TMCC1: variants seen among roughly 807,000 people sequenced by gnomAD.
The protein encoded by TMCC1 is transmembrane and coiled-coil domains protein 1.
In TMCC1, 15 loss-of-function variants were observed where a neutral mutation model predicts 52.4. That is an observed-to-expected ratio of 0.29 (90% CI 0.19 to 0.44). TMCC1 has a LOEUF of 0.44. Ranked by LOEUF, TMCC1 falls within the 20% of genes least tolerant of loss-of-function variation. The probability of loss-of-function intolerance (pLI) is 1.00; values close to 1 mark genes in which losing one functional copy is unlikely to be tolerated. For missense variants in TMCC1, 503 were observed against 806.0 expected (o/e 0.62, Z 4.55); for synonymous variants, 279 against 301.9 (o/e 0.92, Z 0.79).
chr3:129,792,183 T>C (rs2056515659), intron 4 of TMCC1, among the ~76,000 whole-genome samples: 1 of 149,498 alleles, frequency 6.7e-6, no homozygotes, highest in Non-Finnish European at 1.5e-5. Context: ...TGTATATATA[T>C]ATATACATAT....
chr3:129,850,618 TG>T (rs1195669250), intron 2 of TMCC1, among the ~76,000 whole-genome samples: 8 of 152,054 alleles, frequency 5.3e-5, no homozygotes, highest in South Asian at 2.1e-4. Flanking sequence ...ACCAGCTCGG[TG>T]GGGGAGACCC....
intron 4 of TMCC1, among the ~76,000 whole-genome samples, chr3:129,822,070 AATAC>A (rs2058449621): frequency 6.6e-6 from 1 of 151,998 alleles, no homozygotes; most frequent in African/African-American, 2.4e-5. Context: ...CTCAAATATA[AATAC>A]ATATATTTAT....
intron 1 of TMCC1, among the ~76,000 whole-genome samples, chr3:129,887,044 G>C (rs2108011073): frequency 6.6e-6 from 1 of 152,274 alleles, no homozygotes; most frequent in Admixed American, 6.5e-5. Context: ...TCAGACTGTG[G>C]TTGCCAGGGA....
chr3:129,842,498 A>G (rs1484671213), intron 2 of TMCC1, among the ~76,000 whole-genome samples: 1 of 151,946 alleles, frequency 6.6e-6, no homozygotes, highest in African/African-American at 2.4e-5. Flanking sequence ...ACACACACAC[A>G]CACACACGTA....
At chr3:129,702,086 T>C (rs1177271814) in intron 4 of TMCC1, among the ~76,000 whole-genome samples, 1 of 152,188 alleles carries the variant, frequency 6.6e-6, no homozygotes, top group African/African-American at 2.4e-5. Flanking sequence ...TCAATTGTTT[T>C]CAGGATTTGC....
At chr3:129,785,107 G>A (rs1316757118) in intron 4 of TMCC1, among the ~76,000 whole-genome samples, 2 of 152,200 alleles carry the variant, frequency 1.3e-5, no homozygotes, top group Non-Finnish European at 2.9e-5. Flanking sequence ...GTAGAGGAGA[G>A]AACAAGTTGA....
chr3:129,676,572 G>A (rs567497437), intron 4 of TMCC1, among the ~76,000 whole-genome samples: 8 of 152,248 alleles, frequency 5.3e-5, no homozygotes, highest in South Asian at 2.1e-4. Flanking sequence ...CATTTAGAGC[G>A]CAGCATTTAA....
intron 2 of TMCC1, among the ~76,000 whole-genome samples, chr3:129,836,936 C>T (rs1223844198): frequency 6.6e-6 from 1 of 152,182 alleles, no homozygotes. Flanking sequence ...AGCAACAATA[C>T]CAAACCAGCC....
intron 4 of TMCC1, among the ~76,000 whole-genome samples, chr3:129,808,374 C>T (rs1362809106): frequency 9.2e-5 from 14 of 151,666 alleles, no homozygotes; most frequent in African/African-American, 3.4e-4. Context: ...CCTAGCTACT[C>T]GGGAGGCTGA....
chr3:129,853,326 T>C (rs1227010135), intron 2 of TMCC1, among the ~76,000 whole-genome samples: 1 of 152,192 alleles, frequency 6.6e-6, no homozygotes, highest in African/African-American at 2.4e-5. Context: ...TATTTACTTG[T>C]ATCTTAAGAA....
At chr3:129,849,752 C>T (rs142883908) in intron 2 of TMCC1, among the ~76,000 whole-genome samples, 183 of 151,226 alleles carry the variant, frequency 1.2e-3, no homozygotes, top group African/African-American at 3.7e-3. Flanking sequence ...GGCAACAGAG[C>T]GAGACTCCAT....
intron 4 of TMCC1, among the ~76,000 whole-genome samples, chr3:129,778,590 A>G (rs532000405): frequency 2.0e-5 from 3 of 149,422 alleles, no homozygotes; most frequent in South Asian, 2.2e-4. Context: ...TGTGTCCCCA[A>G]TCCAATCTCA....
intron 4 of TMCC1, among the ~76,000 whole-genome samples, chr3:129,713,951 G>C (rs903868698): frequency 6.6e-6 from 1 of 151,762 alleles, no homozygotes; most frequent in Admixed American, 6.6e-5. Context: ...CAGAATACTC[G>C]ATCTTTCATT....
In TMCC1 at chr3:129,655,006, T is replaced by C. The variant is rs1254608447; in HGVS notation, c.1609A>G (p.Ile537Val). 6.2e-7 allele frequency: 1 copy of C among 1,614,164 alleles called. No individual in the cohort carries two copies. Among genetic ancestry groups the C allele is most frequent in the South Asian group, 1.1e-5 (1 of 91,086 alleles). ...GCCCGTTCATAGGACTGATACGCGA[T>C]TTTTTCTTCCATGCTTGCCAGTTCC... ...KQELASMEEK[I>V]AYQSYERARD... Residue 537 changes from isoleucine to valine, a missense_variant, in exon 6 of 7, where the codon ATC becomes GTC. Physicochemically the swap from Ile to Val is conservative, Grantham distance 29 (BLOSUM62 3). Transcript: ENST00000393238.
At chr3:129,845,059 T>C (rs996874410) in intron 2 of TMCC1, among the ~76,000 whole-genome samples, 1 of 151,962 alleles carries the variant, frequency 6.6e-6, no homozygotes, top group Admixed American at 6.6e-5. Flanking sequence ...TGTGGTGGTG[T>C]ATCCCTGTAG....
intron 4 of TMCC1, among the ~76,000 whole-genome samples, chr3:129,719,849 C>A (rs1221260619): frequency 6.6e-6 from 1 of 152,036 alleles, no homozygotes; most frequent in African/African-American, 2.4e-5. Context: ...CTCGTATACC[C>A]TTCCCTTTAT....
At position 129,833,677 on chromosome 3, in the gene TMCC1, T is replaced by A. The variant is rs190908559; in HGVS notation, c.-183-851A>T. 9.3e-4 allele frequency among the ~76,000 whole-genome samples: 141 copies of A among 152,284 alleles called. 1 individual carries two copies. Among genetic ancestry groups the A allele is most frequent in the Non-Finnish European group, 1.1e-3 (77 of 68,006 alleles). ...GGAGGCCAAGGCAAGAAGGCTCATT[T>A]GAGGCCAAGAGTTCTAAGACCAGCT... On this transcript the variant is annotated intron_variant, in intron 2 of 6. Coordinates refer to ENST00000393238, the MANE Select transcript of TMCC1 (RefSeq NM_001017395.5).
chr3:129,784,082 T>C (rs1395460978), intron 4 of TMCC1, among the ~76,000 whole-genome samples: 1 of 151,988 alleles, frequency 6.6e-6, no homozygotes, highest in Non-Finnish European at 1.5e-5. Context: ...ACGGCAGTGG[T>C]AGTATGGGAA....
At chr3:129,710,410 G>T (rs971968132) in intron 4 of TMCC1, among the ~76,000 whole-genome samples, 1 of 152,008 alleles carries the variant, frequency 6.6e-6, no homozygotes, top group African/African-American at 2.4e-5. Flanking sequence ...AAGTGATTCT[G>T]CCTCGGACTC....
Sources: gnomAD v4.1 joint callset for allele counts (sites outside exome capture counted in the v4.1 genomes callset) on GRCh38, gnomAD v4.1.1 for gene constraint, MANE v1.5 for transcripts, NCBI Gene and HGNC (gene_info 2026-07-23, HGNC 2026-07-21) for gene names.